Variants in MCTP2 observed in about 807,000 individuals in gnomAD.
The protein encoded by MCTP2 is multiple C2 and transmembrane domain containing 2.
A neutral mutation model predicts 111.6 loss-of-function variants in MCTP2; 132 were observed. The observed-to-expected ratio is 1.18, with a 90% CI of 1.03 to 1.37. The LOEUF is 1.37. Among genes scored for constraint, MCTP2 ranks in the 40% most tolerant of loss-of-function variants. MCTP2 has a pLI of 0.00. For missense variants in MCTP2, 1,183 were observed against 1,067.9 expected, an observed-to-expected ratio of 1.11 and a Z score of -1.50; for synonymous variants, 395 against 387.7, an observed-to-expected ratio of 1.02 and a Z score of -0.22.
intron 1 of MCTP2, among the ~76,000 whole-genome samples, chr15:94,284,483 A>G (rs2152316954): frequency 6.6e-6 from 1 of 152,328 alleles, no homozygotes; most frequent in Admixed American, 6.5e-5. Flanking sequence ...GCAATCCTAT[A>G]CAACTCTTAA....
chr15:94,321,733 G>C (rs2076639364), intron 4 of MCTP2, among the ~76,000 whole-genome samples: 1 of 152,178 alleles, frequency 6.6e-6, no homozygotes, highest in Non-Finnish European at 1.5e-5. Flanking sequence ...CCCTCATGCA[G>C]TCAGAAACCC....
At chr15:94,242,431 G>A (rs948660031) in intron 1 of MCTP2, among the ~76,000 whole-genome samples, 3 of 152,108 alleles carry the variant, frequency 2.0e-5, no homozygotes, top group Non-Finnish European at 4.4e-5. Context: ...ACCTACAGAG[G>A]TTTGGGTAAG....
At chr15:94,349,325 C>T (rs988832506) in intron 8 of MCTP2, among the ~76,000 whole-genome samples, 3 of 152,170 alleles carry the variant, frequency 2.0e-5, no homozygotes, top group African/African-American at 2.4e-5. Context: ...AATCTCTCCT[C>T]TCAGTGATGT....
chr15:94,242,920 C>T lies in MCTP2; in HGVS notation c.-66+11256C>T, dbSNP rs183393760. Among the ~76,000 whole-genome samples the T allele has an allele frequency of 1.7e-4, 24 of 144,974 alleles. No homozygotes were observed. The East Asian group carries it at 2.8e-3, about 17-fold the overall frequency. The stretch of plus-strand genomic sequence containing the variant: ...GTATATATATGTATACACATATACA[C>T]GTACACATATACACGTGTATATGTA... On this transcript the variant is annotated intron_variant, in intron 1 of 22. Transcript: ENST00000357742.
chr15:94,352,024 G>A (rs1336298179), intron 8 of MCTP2, among the ~76,000 whole-genome samples: 1 of 152,190 alleles, frequency 6.6e-6, no homozygotes, highest in African/African-American at 2.4e-5. Flanking sequence ...CCAAGGAAAA[G>A]GGATACTGGA....
chr15:94,476,917 A>G, intron 22 of MCTP2, 124 bp downstream of exon 22: 1 of 631,514 alleles, frequency 1.6e-6, no homozygotes. Flanking sequence ...AAATCCTTAA[A>G]GAGGCCTGGC....
chr15:94,294,249 A>AC (rs1567342630), intron 1 of MCTP2, among the ~76,000 whole-genome samples: 1 of 152,124 alleles, frequency 6.6e-6, no homozygotes, highest in Non-Finnish European at 1.5e-5. Context: ...GGATAGACAG[A>AC]CCCCTCTGTG....
Position 94,483,372 on chromosome 15 carries a change from T to G in MCTP2, c.*4338T>G, listed in dbSNP as rs1306569945. The G allele has an allele frequency of 6.6e-6, 1 of 152,194 alleles. No homozygotes were observed. The highest frequency in any genetic ancestry group is 2.1e-4 in the South Asian group (1 of 4,836). The allele number at this position is 152,194 out of a possible 1,614,324, so 9.4% of individuals were successfully genotyped here. A position where few individuals can be genotyped will look rare whatever the true frequency, so the allele number is the denominator to read the frequency against. The stretch of plus-strand genomic sequence containing the variant: ...AACTGGGTATGTACCCAAAGGAATA[T>G]AAATTGTTCTACTATAAAAACACAT... On this transcript the variant is annotated 3_prime_UTR_variant, in exon 23 of 23. Transcript: ENST00000357742.
At chr15:94,283,487 G>T (rs140278199) in intron 1 of MCTP2, among the ~76,000 whole-genome samples, 199 of 152,158 alleles carry the variant, frequency 1.3e-3, no homozygotes, top group Middle Eastern at 3.4e-3. Flanking sequence ...TAAATATCTG[G>T]GGGGGTTGTG....
chr15:94,460,710 A>C (rs1394578132), intron 20 of MCTP2, among the ~76,000 whole-genome samples: 1 of 152,214 alleles, frequency 6.6e-6, no homozygotes, highest in Non-Finnish European at 1.5e-5. Flanking sequence ...TTTGAGGGGC[A>C]GCTGTGCCCA....
chr15:94,254,504 T>C (rs2072642186), intron 1 of MCTP2, among the ~76,000 whole-genome samples: 1 of 152,230 alleles, frequency 6.6e-6, no homozygotes, highest in African/African-American at 2.4e-5. Context: ...AGAAAACTCA[T>C]GGACAAGAAG....
At chr15:94,287,075 A>G (rs542349670) in intron 1 of MCTP2, among the ~76,000 whole-genome samples, 5 of 152,350 alleles carry the variant, frequency 3.3e-5, no homozygotes, top group African/African-American at 1.2e-4. Context: ...AGCAAACAAT[A>G]TAATATTCAG....
chr15:94,414,364 G>T (rs992985807), intron 17 of MCTP2, among the ~76,000 whole-genome samples: 1 of 152,076 alleles, frequency 6.6e-6, no homozygotes, highest in Non-Finnish European at 1.5e-5. Context: ...TGAGGGAGAG[G>T]AGTGGAATGC....
intron 8 of MCTP2, among the ~76,000 whole-genome samples, chr15:94,346,796 A>T (rs933221976): frequency 6.6e-6 from 1 of 151,924 alleles, no homozygotes; most frequent in Non-Finnish European, 1.5e-5. Flanking sequence ...AGTAGAAAAA[A>T]TGTTGACGGC....
chr15:94,236,004 T>A (rs1158210251), intron 1 of MCTP2, among the ~76,000 whole-genome samples: 1 of 152,252 alleles, frequency 6.6e-6, no homozygotes, highest in Non-Finnish European at 1.5e-5. Context: ...CATTTACTCC[T>A]GATGCAGACT....
intron 2 of MCTP2, among the ~76,000 whole-genome samples, chr15:94,309,742 T>C (rs900369721): frequency 6.6e-6 from 1 of 152,178 alleles, no homozygotes; most frequent in Non-Finnish European, 1.5e-5. Context: ...ATTCTTATGG[T>C]AGGAAAATCC....
At chr15:94,408,907 C>A (rs1053308511) in intron 17 of MCTP2, among the ~76,000 whole-genome samples, 1 of 152,066 alleles carries the variant, frequency 6.6e-6, no homozygotes, top group Non-Finnish European at 1.5e-5. Context: ...CCAGGCTCTG[C>A]GTGGGACCCT....
At chr15:94,359,651 A>G (rs1325505400) in intron 10 of MCTP2, among the ~76,000 whole-genome samples, 2 of 152,168 alleles carry the variant, frequency 1.3e-5, no homozygotes, top group Admixed American at 1.3e-4. Context: ...GCTGAAAACT[A>G]AAGATTGAAA....
At chr15:94,343,837 TG>T (rs2077801233) in intron 7 of MCTP2, 1 of 152,208 alleles carries the variant, frequency 6.6e-6, no homozygotes, top group East Asian at 1.9e-4. Context: ...TGCTTGGAAT[TG>T]GGTAGAGACA....
Sources: gnomAD v4.1 joint callset for allele counts (sites outside exome capture counted in the v4.1 genomes callset) on GRCh38, gnomAD v4.1.1 for gene constraint, MANE v1.5 for transcripts, NCBI Gene and HGNC (gene_info 2026-07-23, HGNC 2026-07-21) for gene names.